Variants in PTPN2 observed in about 807,000 individuals in gnomAD.
PTPN2 encodes tyrosine-protein phosphatase non-receptor type 2.
PTPN2 carries 19 observed loss-of-function variants against 57.3 expected under a neutral mutation model. That is an observed-to-expected ratio of 0.33 (90% confidence interval 0.23 to 0.49). The LOEUF (loss-of-function observed/expected upper bound fraction) is 0.49, where lower values mean the gene tolerates loss of function less well. Ranked by LOEUF, PTPN2 falls within the 20% of genes least tolerant of loss-of-function variation. The pLI is 0.99. For missense variants in PTPN2, 358 were observed against 501.1 expected (o/e 0.71, Z 2.73); for synonymous variants, 153 against 164.9 (o/e 0.93, Z 0.55).
At chr18:12,843,643 G>A (rs1428125466) in intron 2 of PTPN2, among the ~76,000 whole-genome samples, 1 of 152,156 alleles carries the variant, frequency 6.6e-6, no homozygotes, top group Admixed American at 6.5e-5. Context: ...GAGCACCCAG[G>A]CACCCAGTAG....
At chr18:12,876,801 C>T (rs1254129580) in intron 1 of PTPN2, among the ~76,000 whole-genome samples, 1 of 152,186 alleles carries the variant, frequency 6.6e-6, no homozygotes, top group Admixed American at 6.5e-5. Flanking sequence ...TTTGCAAATA[C>T]CTTTCAAGTC....
chr18:12,841,017 A>T (rs890353844), intron 2 of PTPN2: 31 of 1,379,508 alleles, frequency 2.2e-5, no homozygotes, highest in Non-Finnish European at 3.0e-5. Flanking sequence ...ACCTATAGGG[A>T]TCTAAAGGTA....
At chr18:12,874,436 G>A (rs1386596870) in intron 1 of PTPN2, among the ~76,000 whole-genome samples, 5 of 146,830 alleles carry the variant, frequency 3.4e-5, no homozygotes, top group Admixed American at 2.7e-4. Context: ...CCGGCCTGCC[G>A]CCTCGTCCGG....
chr18:12,830,919 T>C, intron 4 of PTPN2, 24 bp downstream of exon 4: 2 of 1,502,730 alleles, frequency 1.3e-6, no homozygotes, highest in Non-Finnish European at 1.8e-6. Flanking sequence ...GTATACTAAG[T>C]TGTAAATATT....
Position 12,884,015 on chromosome 18 carries a change from G to A in PTPN2, c.69+58C>T, listed in dbSNP as rs1457425638. 12 of 1,447,228 alleles carry A rather than the reference G, an allele frequency of 8.3e-6. No homozygotes were observed. The Admixed American group carries it at 2.0e-4, about 24-fold the overall frequency. 89.6% of individuals were successfully genotyped at this position (1,447,228 alleles called of 1,614,324 possible). A position where few individuals can be genotyped will look rare whatever the true frequency, so the allele number is the denominator to read the frequency against. On this transcript the variant is annotated intron_variant, in intron 1 of 8. Coordinates refer to ENST00000309660, the MANE Select transcript of PTPN2 (RefSeq NM_002828.4). ...GGAGGCGGGAGGGACCCTGCGGACA[G>A]GGCACGAGTCCGGGTCTCGGAGGAG...
intron 3 of PTPN2, 48 bp downstream of exon 3, chr18:12,836,743 G>T: frequency 8.3e-7 from 1 of 1,211,480 alleles, no homozygotes; most frequent in Non-Finnish European, 1.2e-6. Flanking sequence ...AGCAGAACAA[G>T]CACAAACACA....
intron 1 of PTPN2, among the ~76,000 whole-genome samples, chr18:12,873,860 T>C (rs1283756889): frequency 1.1e-4 from 16 of 145,556 alleles, no homozygotes; most frequent in African/African-American, 3.9e-4. Context: ...TCTGCCCGGC[T>C]GCCCATCGTC....
chr18:12,818,128 G>A (rs1033366477), intron 5 of PTPN2, among the ~76,000 whole-genome samples: 3 of 152,058 alleles, frequency 2.0e-5, no homozygotes, highest in Non-Finnish European at 4.4e-5. Context: ...GGCAACAAGA[G>A]TGAAACTCCA....
At chr18:12,805,768 T>C (rs940961830) in intron 7 of PTPN2, among the ~76,000 whole-genome samples, 1 of 151,504 alleles carries the variant, frequency 6.6e-6, no homozygotes, top group Non-Finnish European at 1.5e-5. Flanking sequence ...TAGCTGGGAC[T>C]ACAGGCGCGT....
chr18:12,873,322 C>T (rs1452288254), intron 1 of PTPN2, among the ~76,000 whole-genome samples: 1 of 152,166 alleles, frequency 6.6e-6, no homozygotes, highest in African/African-American at 2.4e-5. Context: ...TTTCCACAGT[C>T]TCCCTCTGAT....
chr18:12,868,075 GA>G (rs1262522559), intron 1 of PTPN2, among the ~76,000 whole-genome samples: 1 of 152,144 alleles, frequency 6.6e-6, no homozygotes, highest in Non-Finnish European at 1.5e-5. Flanking sequence ...AAATATGTGG[GA>G]AAGACCCTTC....
chr18:12,807,751 T>C (rs1023831184), intron 7 of PTPN2, among the ~76,000 whole-genome samples: 10 of 151,296 alleles, frequency 6.6e-5, no homozygotes. Flanking sequence ...GTTAATCTCA[T>C]AGAAGCAGAG....
intron 7 of PTPN2, among the ~76,000 whole-genome samples, chr18:12,807,674 A>G (rs1255544899): frequency 6.7e-6 from 1 of 148,238 alleles, no homozygotes; most frequent in East Asian, 2.0e-4. Flanking sequence ...ATGAAACTGG[A>G]GGACATTAAG....
intron 5 of PTPN2, among the ~76,000 whole-genome samples, chr18:12,819,641 T>A (rs2042204792): frequency 6.6e-6 from 1 of 151,628 alleles, no homozygotes; most frequent in Admixed American, 6.6e-5. Context: ...GAATCAATCT[T>A]ATTGTAGGTT....
At chr18:12,834,512 AATTCATAAT>A (rs963859655) in intron 3 of PTPN2, among the ~76,000 whole-genome samples, 8 of 152,174 alleles carry the variant, frequency 5.3e-5, no homozygotes, top group African/African-American at 1.9e-4. Context: ...AAATTCATAA[AATTCATAAT>A]AGGGTTTTTA....
At chr18:12,868,660 G>C (rs78599993) in intron 1 of PTPN2, among the ~76,000 whole-genome samples, 11 of 150,976 alleles carry the variant, frequency 7.3e-5, no homozygotes, top group African/African-American at 2.7e-4. Flanking sequence ...CAGGCCGGGC[G>C]TGGTGGCTCA....
intron 9 of PTPN2, chr18:12,786,160 C>A: frequency 2.8e-6 from 1 of 358,558 alleles, no homozygotes. Context: ...TGTGTGATAC[C>A]GACAGACAGA....
chr18:12,875,578 G>GA (rs1445648679), intron 1 of PTPN2, among the ~76,000 whole-genome samples: 1 of 152,160 alleles, frequency 6.6e-6, no homozygotes, highest in Non-Finnish European at 1.5e-5. Context: ...TTTCCATTAA[G>GA]AAAAAACTAC....
chr18:12,817,788 T>C (rs2042126980), intron 5 of PTPN2, among the ~76,000 whole-genome samples: 1 of 152,220 alleles, frequency 6.6e-6, no homozygotes, highest in African/African-American at 2.4e-5. Flanking sequence ...TCTGTTACCA[T>C]ACATGTTACC....
Sources: gnomAD v4.1 joint callset for allele counts (sites outside exome capture counted in the v4.1 genomes callset) on GRCh38, gnomAD v4.1.1 for gene constraint, MANE v1.5 for transcripts, NCBI Gene and HGNC (gene_info 2026-07-23, HGNC 2026-07-21) for gene names.